Variants in SASH3 observed in about 807,000 individuals in gnomAD.
The protein encoded by SASH3 is SAM and SH3 domain containing 3.
In SASH3, 7 loss-of-function variants were observed where a neutral mutation model predicts 26.1. The observed-to-expected ratio is 0.27, with a 90% CI of 0.15 to 0.50. The LOEUF (loss-of-function observed/expected upper bound fraction) is 0.50. SASH3 is among the 20% of genes least tolerant of loss of function. The pLI is 0.98. For missense variants in SASH3, 231 were observed against 318.3 expected (o/e 0.73, Z 2.09); for synonymous variants, 138 against 136.8 (o/e 1.01, Z -0.06).
chrX:129,791,679 T>C (rs755113447), intron 4 of SASH3, among the ~76,000 whole-genome samples: 3 of 112,039 alleles, frequency 2.7e-5, no homozygotes, highest in Non-Finnish European at 5.6e-5. Context: ...CAGCACCGCC[T>C]TTCTTGCCCC....
Position 129,793,877 on chromosome X carries a change from C to T in SASH3, c.*45C>T. ...CAAGGCTGGGACCCAGCTGCAAAGG[C>T]TGTAGGAGTGGGCCCAGCCTCCCGT... On this transcript the variant is annotated 3_prime_UTR_variant, in exon 8 of 8. Transcript: ENST00000356892. 2 of 1,102,417 alleles carry T rather than the reference C, an allele frequency of 1.8e-6. No homozygotes were observed. Among genetic ancestry groups the T allele is most frequent in the Non-Finnish European group, 2.4e-6 (2 of 819,087 alleles). 90.9% of individuals were successfully genotyped at this position (1,102,417 alleles called of 1,213,427 possible).
chrX:129,788,137 G>GGGGGGGGGGGGGGTGGGC, intron 2 of SASH3, 67 bp downstream of exon 2: 1 of 354,271 alleles, frequency 2.8e-6, no homozygotes, highest in Non-Finnish European at 5.4e-6. Context: ...GGGTGGGAGG[G>GGGGGGGGGGGGGGTGGGC]AAGAGGGTGA....
chrX:129,783,668 C>T lies in SASH3; in HGVS notation c.57+3514C>T, dbSNP rs562479945. Among the ~76,000 whole-genome samples, 9 of 111,784 alleles carry T rather than the reference C, an allele frequency of 8.1e-5. No individual in the cohort carries two copies. The South Asian group carries it at 2.6e-3, about 32-fold the overall frequency. ...CACACAGGAAGTGCTTGGCAGGACA[C>T]GGGCATGCGGGAGGAGTTTAGACCC... On this transcript the variant is annotated intron_variant, in intron 1 of 7. Transcript: ENST00000356892.
At position 129,787,830 on chromosome X, in the gene SASH3, T is replaced by C. The variant is rs946422878; in HGVS notation, c.58-145T>C. On this transcript the variant is annotated intron_variant, in intron 1 of 7. Transcript: ENST00000356892. The stretch of plus-strand genomic sequence containing the variant: ...CCAGGTAGCCCCAAGAACATCGAGG[T>C]GCGTCACCCATTAGCCTGGGGCTCC... The C allele has an allele frequency of 8.5e-6, 4 of 471,777 alleles. No individual in the cohort carries two copies. In the African/African-American group the frequency reaches 9.8e-5, roughly 12 times the overall value. The allele number at this position is 471,777 out of a possible 1,213,427, so 38.9% of individuals were successfully genotyped here.
intron 3 of SASH3, 114 bp downstream of exon 3, chrX:129,788,691 A>G (rs1263940544): frequency 1.3e-6 from 1 of 772,251 alleles, no homozygotes; most frequent in African/African-American, 2.1e-5. Flanking sequence ...GCCCTATTTG[A>G]TGCAAGAAGG....
At chrX:129,783,174 T>C (rs1455830281) in intron 1 of SASH3, among the ~76,000 whole-genome samples, 2 of 111,187 alleles carry the variant, frequency 1.8e-5, no homozygotes, top group African/African-American at 3.3e-5. Flanking sequence ...GAGCCTTCCA[T>C]AGCCTTTTCT....
chrX:129,788,370 T>C, intron 2 of SASH3, 61 bp from the exon 3 acceptor site: 1 of 1,178,096 alleles, frequency 8.5e-7, no homozygotes, highest in African/African-American at 1.7e-5. Flanking sequence ...CTCTTTTGCC[T>C]CAAGTCCCGG....
rs1927284614 is a variant in SASH3, at chrX:129,794,027, C to G, written c.*195C>G. 4.7e-6 allele frequency: 2 copies of G among 424,491 alleles called. No homozygotes were observed. The highest frequency in any genetic ancestry group is 6.6e-4 in the Middle Eastern group (1 of 1,515). The allele number at this position is 424,491 out of a possible 1,213,427, so 35.0% of individuals were successfully genotyped here. A position where few individuals can be genotyped will look rare whatever the true frequency, so the allele number is the denominator to read the frequency against. The stretch of plus-strand genomic sequence containing the variant: ...TCAGCTGGAGTGGTTGGGGAGTCGC[C>G]CAAGGGCACATCCCACCTGCCTGAG... On this transcript the variant is annotated 3_prime_UTR_variant, in exon 8 of 8. Coordinates refer to ENST00000356892, the MANE Select transcript of SASH3 (RefSeq NM_018990.4).
chrX:129,792,909 G>A (rs1927258198), intron 6 of SASH3, 73 bp downstream of exon 6: 1 of 1,190,773 alleles, frequency 8.4e-7, no homozygotes, highest in East Asian at 3.0e-5. Flanking sequence ...ACCAGGAAAT[G>A]ACAGCTATGC....
At position 129,794,089 on chromosome X, in the gene SASH3, C is replaced by T; in HGVS notation, c.*257C>T. 2.7e-6 allele frequency: 1 copy of T among 371,892 alleles called. No homozygotes were observed. Among genetic ancestry groups the T allele is most frequent in the East Asian group, 4.0e-5 (1 of 24,715 alleles). 30.6% of individuals were successfully genotyped at this position (371,892 alleles called of 1,213,427 possible). On this transcript the variant is annotated 3_prime_UTR_variant, in exon 8 of 8. Coordinates refer to ENST00000356892, the MANE Select transcript of SASH3 (RefSeq NM_018990.4). ...ACCAGCGACTGACAGCGCAGCCCCTCCTGGCACCAACTGCTCCCCTGCCAT... is the reference window on the plus strand; with the variant it reads ...ACCAGCGACTGACAGCGCAGCCCCTTCTGGCACCAACTGCTCCCCTGCCAT...
chrX:129,788,970 G>A (rs1346482678), intron 3 of SASH3, among the ~76,000 whole-genome samples: 1 of 109,253 alleles, frequency 9.2e-6, no homozygotes, highest in East Asian at 2.9e-4. Context: ...AGGCGTGGTG[G>A]CACATGCCTG....
At chrX:129,792,884 G>T (rs368769149) in intron 6 of SASH3, 48 bp downstream of exon 6, 9 of 1,179,478 alleles carry the variant, frequency 7.6e-6, no homozygotes, top group Admixed American at 2.3e-5. Context: ...AGGCACAACT[G>T]CCCCAGGGAT....
rs1569312648 is a variant in SASH3 at position 129,789,149 on chromosome X, GAAAGAAAGAAAGAA to G, written c.300+574_300+587del. On this transcript the variant is annotated intron_variant, in intron 3 of 7. Coordinates refer to ENST00000356892, the MANE Select transcript of SASH3 (RefSeq NM_018990.4). ...AGAAAGAAAGAAAGAAAGAAAGAAAGAAAGAAAGAAAGAAAGAGAAAAAAAAAAAAAAGAAAAGT... is the reference window on the plus strand; with the variant it reads ...AGAAAGAAAGAAAGAAAGAAAGAAAGAGAGAAAAAAAAAAAAAAGAAAAGT... Among the ~76,000 whole-genome samples, 9 of 61,177 alleles carry G rather than the reference GAAAGAAAGAAAGAA, an allele frequency of 1.5e-4. No individual in the cohort carries two copies. The East Asian group carries it at 2.5e-3, about 17-fold the overall frequency. 53.1% of individuals were successfully genotyped at this position (61,177 alleles called of 115,157 possible).
At chrX:129,791,790 G>A (rs1478650429) in intron 4 of SASH3, among the ~76,000 whole-genome samples, 1 of 112,243 alleles carries the variant, frequency 8.9e-6, no homozygotes, top group Non-Finnish European at 1.9e-5. Context: ...TACTTCCCAG[G>A]GAGAAGGAGC....
At position 129,788,171 on chromosome X, in the gene SASH3, G is replaced by T. The variant is rs946096901; in HGVS notation, c.153+101G>T. 7.2e-6 allele frequency: 5 copies of T among 690,819 alleles called. No homozygotes were observed. The Admixed American group carries it at 1.7e-4, about 23-fold the overall frequency. 56.9% of individuals were successfully genotyped at this position (690,819 alleles called of 1,213,427 possible). ...GAAGAGGAGATAGAATTGTTGGGGC[G>T]AAGCCCCCTTTAACACAGAGGGTCC... On this transcript the variant is annotated intron_variant, in intron 2 of 7. Transcript: ENST00000356892.
Position 129,794,733 on chromosome X carries a change from A to C in SASH3, c.*901A>C. On this transcript the variant is annotated 3_prime_UTR_variant, in exon 8 of 8. Transcript: ENST00000356892. ...GTTCCATCCCTGGCCCCCTCAAACG[A>C]GACTTCTCACAAGGCTGATTACAGA... 9.0e-6 allele frequency: 1 copy of C among 111,414 alleles called. No individual in the cohort carries two copies. The allele number at this position is 111,414 out of a possible 1,213,427, so 9.2% of individuals were successfully genotyped here.
intron 3 of SASH3, among the ~76,000 whole-genome samples, chrX:129,790,526 G>A (rs185163217): frequency 3.8e-4 from 42 of 110,621 alleles, no homozygotes; most frequent in Middle Eastern, 4.7e-3. Flanking sequence ...ACCTTCAAGT[G>A]TCACTGTAAG....
chrX:129,786,978 G>A (rs1416082306), intron 1 of SASH3, among the ~76,000 whole-genome samples: 1 of 103,494 alleles, frequency 9.7e-6, no homozygotes, highest in East Asian at 3.0e-4. Flanking sequence ...CTGGGTGACA[G>A]GGCGAGACTC....
intron 2 of SASH3, 47 bp downstream of exon 2, chrX:129,788,117 AG>A (rs752483573): frequency 9.8e-5 from 9 of 91,845 alleles, no homozygotes; most frequent in East Asian, 2.1e-4. Flanking sequence ...GGCCCTGGGC[AG>A]GGGGGTGGGG....
Sources: allele counts gnomAD v4.1 joint callset (sites outside exome capture counted in the v4.1 genomes callset), GRCh38; gene constraint gnomAD v4.1.1; transcripts MANE v1.5; gene names NCBI Gene and HGNC (gene_info 2026-07-23, HGNC 2026-07-21).